MAGI2: variants seen among roughly 807,000 people sequenced by gnomAD.
MAGI2 encodes membrane associated guanylate kinase, WW and PDZ domain containing 2.
In MAGI2, 35 loss-of-function variants were observed where a neutral mutation model predicts 133.3. The observed-to-expected ratio is 0.26, with a 90% CI of 0.20 to 0.35. The LOEUF (loss-of-function observed/expected upper bound fraction) is 0.35, where lower values mean the gene tolerates loss of function less well. Ranked by LOEUF, MAGI2 falls within the 10% of genes least tolerant of loss-of-function variation. The pLI, the probability that MAGI2 is intolerant of heterozygous loss-of-function variation, is 1.00. For missense variants in MAGI2, 1,636 were observed against 1,863.4 expected (o/e 0.88, Z 2.25); for synonymous variants, 729 against 710.6 (o/e 1.03, Z -0.41).
chr7:78,813,900 A>G (rs1789320824), intron 2 of MAGI2, among the ~76,000 whole-genome samples: 1 of 152,252 alleles, frequency 6.6e-6, no homozygotes, highest in Middle Eastern at 3.4e-3. Context: ...TACAACACCT[A>G]CAGCTAACAA....
At chr7:78,749,395 A>T (rs577793398) in intron 2 of MAGI2, among the ~76,000 whole-genome samples, 1 of 152,346 alleles carries the variant, frequency 6.6e-6, no homozygotes, top group Admixed American at 6.5e-5. Flanking sequence ...GAAGCAAGAT[A>T]AATGTAATTA....
chr7:79,371,937 C>T (rs1177093227), intron 1 of MAGI2, among the ~76,000 whole-genome samples: 2 of 151,618 alleles, frequency 1.3e-5, no homozygotes, highest in Non-Finnish European at 1.5e-5. Flanking sequence ...CCCTGAAGCA[C>T]TCTTTGAAGA....
chr7:78,745,541 AAAC>A (rs200481297), intron 2 of MAGI2, among the ~76,000 whole-genome samples: 6,645 of 152,204 alleles, frequency 0.044, 204 homozygotes, highest in Non-Finnish European at 0.067. Context: ...TTAAAAAAAA[AAAC>A]AACAACAACG....
intron 1 of MAGI2, among the ~76,000 whole-genome samples, chr7:79,338,851 G>A (rs909388529): frequency 2.6e-5 from 4 of 152,064 alleles, no homozygotes; most frequent in Admixed American, 2.0e-4. Context: ...CCTACGGGGG[G>A]TACTCCCACT....
chr7:79,276,673 T>A (rs954922640), intron 1 of MAGI2, among the ~76,000 whole-genome samples: 1 of 152,180 alleles, frequency 6.6e-6, no homozygotes, highest in African/African-American at 2.4e-5. Flanking sequence ...ATAAATGATT[T>A]AAATATTACA....
Position 79,387,998 on chromosome 7 carries a change from A to G in MAGI2, c.301+65022T>C, listed in dbSNP as rs148278345. Among the ~76,000 whole-genome samples the G allele has an allele frequency of 4.6e-4, 70 of 152,070 alleles. No homozygotes were observed. In the East Asian group the frequency reaches 0.013, roughly 28 times the overall value. ...ATCATTTTGTAGATAGTAAATAATG[A>G]TATTTCCCCAAATTAAAATAATAAT... On this transcript the variant is annotated intron_variant, in intron 1 of 21. Coordinates refer to ENST00000354212, the MANE Select transcript of MAGI2 (RefSeq NM_012301.4).
chr7:78,138,650 C>T (rs977086313), intron 16 of MAGI2, among the ~76,000 whole-genome samples: 21 of 151,562 alleles, frequency 1.4e-4, no homozygotes, highest in South Asian at 1.0e-3. Flanking sequence ...CACACACACA[C>T]ACACACACAC....
At chr7:78,474,077 G>A (rs755378542) in intron 6 of MAGI2, among the ~76,000 whole-genome samples, 1 of 151,890 alleles carries the variant, frequency 6.6e-6, no homozygotes, top group Non-Finnish European at 1.5e-5. Context: ...AACATTAACC[G>A]GTGTGTTTTA....
intron 1 of MAGI2, among the ~76,000 whole-genome samples, chr7:79,020,966 C>T (rs1238463086): frequency 6.6e-6 from 1 of 152,198 alleles, no homozygotes; most frequent in Non-Finnish European, 1.5e-5. Context: ...ACATGGTCCC[C>T]TACATGCCAG....
chr7:78,404,636 A>T (rs1797212085), intron 6 of MAGI2, among the ~76,000 whole-genome samples: 1 of 152,150 alleles, frequency 6.6e-6, no homozygotes, highest in Non-Finnish European at 1.5e-5. Context: ...CTGAAACTGG[A>T]TCTCTTCCTT....
At chr7:79,186,291 A>AT (rs35235952) in intron 1 of MAGI2, among the ~76,000 whole-genome samples, 24,206 of 144,548 alleles carry the variant, frequency 0.17, 4,778 homozygotes, top group African/African-American at 0.46. Flanking sequence ...TATATATATA[A>AT]AGTTTAATGA....
At chr7:78,049,614 G>A (rs3823802) in intron 21 of MAGI2, among the ~76,000 whole-genome samples, 99,362 of 151,960 alleles carry the variant, frequency 0.65, 33,599 homozygotes, top group Admixed American at 0.76. Flanking sequence ...GTGGCTCGCG[G>A]TAGAACCCCT....
chr7:78,077,571 A>G (rs574705961), intron 21 of MAGI2, among the ~76,000 whole-genome samples: 360 of 95,740 alleles, frequency 3.8e-3, no homozygotes, highest in African/African-American at 0.015. Context: ...TGAGGGGTGC[A>G]CAAGATGCTG....
intron 9 of MAGI2, among the ~76,000 whole-genome samples, chr7:78,334,420 C>T (rs1194750689): frequency 1.3e-5 from 2 of 152,126 alleles, no homozygotes; most frequent in Non-Finnish European, 2.9e-5. Flanking sequence ...GCTAAAACCC[C>T]CAAAGTGAGA....
intron 5 of MAGI2, among the ~76,000 whole-genome samples, chr7:78,499,160 A>G (rs1258295792): frequency 2.0e-5 from 3 of 152,134 alleles, no homozygotes; most frequent in Admixed American, 6.5e-5. Context: ...TTACCAACTA[A>G]TACATACTTC....
At chr7:78,337,116 T>C (rs746390536) in intron 9 of MAGI2, among the ~76,000 whole-genome samples, 2 of 152,212 alleles carry the variant, frequency 1.3e-5, no homozygotes, top group Non-Finnish European at 2.9e-5. Flanking sequence ...GACTCTGTGG[T>C]TTCTGTGTAA....
chr7:78,710,023 C>G (rs55934210), intron 2 of MAGI2, among the ~76,000 whole-genome samples: 6,333 of 152,222 alleles, frequency 0.042, 160 homozygotes, highest in African/African-American at 0.061. Flanking sequence ...AAGTTACTAA[C>G]ATATCCAGGA....
intron 9 of MAGI2, among the ~76,000 whole-genome samples, chr7:78,329,112 G>T (rs1217354790): frequency 6.6e-6 from 1 of 152,136 alleles, no homozygotes; most frequent in African/African-American, 2.4e-5. Context: ...TGACACTCAA[G>T]ATTTACCATG....
At chr7:78,052,635 C>G (rs1812133280) in intron 21 of MAGI2, among the ~76,000 whole-genome samples, 1 of 152,250 alleles carries the variant, frequency 6.6e-6, no homozygotes, top group South Asian at 2.1e-4. Flanking sequence ...CACACGGCCC[C>G]TGCCAGAGCT....
Sources: gnomAD v4.1 joint callset for allele counts (sites outside exome capture counted in the v4.1 genomes callset) on GRCh38, gnomAD v4.1.1 for gene constraint, MANE v1.5 for transcripts, NCBI Gene and HGNC (gene_info 2026-07-23, HGNC 2026-07-21) for gene names.